NHSL1: variants seen among roughly 807,000 people sequenced by gnomAD.
NHSL1 encodes NHS-like protein 1.
NHSL1 carries 48 observed loss-of-function variants against 95.0 expected under a neutral mutation model. The ratio of observed to expected loss-of-function variants is 0.51; its 90% CI spans 0.40 to 0.64. The LOEUF is 0.64. Among genes scored for constraint, NHSL1 ranks in the 30% least tolerant of loss-of-function variants. The pLI is 0.00. For missense variants in NHSL1, 1,971 were observed against 2,077.7 expected, an observed-to-expected ratio of 0.95 and a Z score of 1.00; for synonymous variants, 783 against 833.9, an observed-to-expected ratio of 0.94 and a Z score of 1.05.
chr6:138,512,355 C>CA (rs1488636517), intron 1 of NHSL1: 1 of 454,506 alleles, frequency 2.2e-6, no homozygotes, highest in South Asian at 1.6e-5. Context: ...AAATAAATCC[C>CA]AGAGCATCTA....
chr6:138,662,145 GAAAA>G (rs35233641), intron 1 of NHSL1, among the ~76,000 whole-genome samples: 3 of 140,918 alleles, frequency 2.1e-5, no homozygotes, highest in South Asian at 4.4e-4. Context: ...CTTTTTTTCA[GAAAA>G]AAAAAAAAAT....
rs1775501701 is a variant in NHSL1 at position 138,429,747 on chromosome 6, G to C, written c.4049C>G (p.Pro1350Arg). The C allele has an allele frequency of 6.4e-7, 1 of 1,551,710 alleles. No individual in the cohort carries two copies. The highest frequency in any genetic ancestry group is 8.7e-7 in the Non-Finnish European group (1 of 1,147,016). ...GNDEVMTPSR[P>R]RTTEDLFAAI... ...TGCAAAAAGGTCTTCTGTGGTCCTG[G>C]GTCGACTGGGGGTCATTACCTCATC... Residue 1350 changes from proline to arginine, a missense_variant, in exon 7 of 8, where the codon CCC (proline) becomes CGC (arginine). Physicochemically the swap from Pro to Arg is moderately radical, Grantham distance 103. Around this residue, in one of 3 missense-constraint regions of NHSL1, gnomAD observed 146 missense variants for 206.3 expected, o/e 0.71. Transcript: ENST00000343505.
intron 1 of NHSL1, among the ~76,000 whole-genome samples, chr6:138,592,462 G>A (rs985003716): frequency 6.6e-6 from 1 of 152,110 alleles, no homozygotes; most frequent in Admixed American, 6.5e-5. Flanking sequence ...GGCTGGGGTG[G>A]TGGCAGGCGC....
chr6:138,452,437 T>C (rs1472025863), intron 3 of NHSL1, among the ~76,000 whole-genome samples: 2 of 151,640 alleles, frequency 1.3e-5, no homozygotes, highest in African/African-American at 4.9e-5. Context: ...GAAACACAGA[T>C]TAATTCAGTC....
At chr6:138,536,089 A>C (rs1375404908) in intron 1 of NHSL1, among the ~76,000 whole-genome samples, 1 of 152,236 alleles carries the variant, frequency 6.6e-6, no homozygotes, top group Non-Finnish European at 1.5e-5. Flanking sequence ...ATCTAGTCAA[A>C]CATAGTCCAA....
intron 7 of NHSL1, among the ~76,000 whole-genome samples, chr6:138,427,853 CTA>C (rs1775362450): frequency 6.6e-6 from 1 of 152,318 alleles, no homozygotes; most frequent in South Asian, 2.1e-4. Context: ...TGGATTTTTA[CTA>C]TGTCTGCTAA....
At chr6:138,445,647 TA>T (rs1202047172) in intron 4 of NHSL1, among the ~76,000 whole-genome samples, 2 of 152,116 alleles carry the variant, frequency 1.3e-5, no homozygotes, top group Non-Finnish European at 2.9e-5. Flanking sequence ...GGTAAGGTTT[TA>T]AAAAAAATCT....
intron 1 of NHSL1, among the ~76,000 whole-genome samples, chr6:138,647,899 C>G (rs561476397): frequency 3.0e-4 from 46 of 152,256 alleles, no homozygotes; most frequent in Admixed American, 9.2e-4. Flanking sequence ...GCACCGGTGT[C>G]TAATTTTCTT....
rs11969922 is a variant in NHSL1, at chr6:138,564,739, C to T, written c.202+6971G>A. Among the ~76,000 whole-genome samples, 765 of 151,840 alleles carry T rather than the reference C, an allele frequency of 5.0e-3. 9 individuals carry two copies. The highest frequency in any genetic ancestry group is 0.018 in the African/African-American group (726 of 41,344). On this transcript the variant is annotated intron_variant, in intron 1 of 6. Transcript: ENST00000427025. ...AGACAAGTAAACAAGTAAGCATAAG[C>T]CAGTGTATGATAAACACGATTAGAG...
intron 1 of NHSL1, among the ~76,000 whole-genome samples, chr6:138,642,035 T>C (rs936739708): frequency 6.6e-6 from 1 of 152,164 alleles, no homozygotes; most frequent in African/African-American, 2.4e-5. Context: ...TCAGGTGACA[T>C]CTCATTAAAC....
intron 3 of NHSL1, among the ~76,000 whole-genome samples, chr6:138,457,173 G>T (rs987272728): frequency 4.6e-5 from 7 of 152,132 alleles, no homozygotes; most frequent in African/African-American, 1.7e-4. Context: ...ACACTACCAT[G>T]CCTGGCTTAT....
intron 6 of NHSL1, 94 bp from the exon 7 acceptor site, chr6:138,429,937 C>T (rs893253481): frequency 1.5e-5 from 19 of 1,300,634 alleles, no homozygotes; most frequent in East Asian, 1.0e-4. Flanking sequence ...CTGCCATTCC[C>T]GACAATGTGA....
chr6:138,507,859 G>A (rs550240083), intron 1 of NHSL1, among the ~76,000 whole-genome samples: 2 of 152,246 alleles, frequency 1.3e-5, no homozygotes, highest in South Asian at 4.1e-4. Flanking sequence ...TCAATTATGG[G>A]GTTGGGGGAG....
At chr6:138,583,138 TCACCTTGGC>T (rs912437266) in intron 1 of NHSL1, among the ~76,000 whole-genome samples, 3 of 152,172 alleles carry the variant, frequency 2.0e-5, no homozygotes, top group African/African-American at 2.4e-5. Flanking sequence ...GGATGGCTGG[TCACCTTGGC>T]GGTGACCTCC....
At chr6:138,656,556 T>C (rs552002081) in intron 1 of NHSL1, among the ~76,000 whole-genome samples, 3 of 152,322 alleles carry the variant, frequency 2.0e-5, no homozygotes, top group East Asian at 1.9e-4. Flanking sequence ...GGGTGGAGGA[T>C]AGTGAAGACA....
At chr6:138,524,413 T>C (rs759840310) in intron 1 of NHSL1, among the ~76,000 whole-genome samples, 1 of 152,158 alleles carries the variant, frequency 6.6e-6, no homozygotes, top group Non-Finnish European at 1.5e-5. Flanking sequence ...TCCCCACACA[T>C]AACCATTACC....
intron 1 of NHSL1, among the ~76,000 whole-genome samples, chr6:138,569,611 A>AT (rs1203405668): frequency 4.6e-5 from 7 of 152,120 alleles, no homozygotes; most frequent in Admixed American, 2.0e-4. Context: ...ATTTCTGCAT[A>AT]TTTTTTCTTG....
intron 1 of NHSL1, among the ~76,000 whole-genome samples, chr6:138,665,225 A>G (rs762566426): frequency 2.5e-4 from 38 of 151,500 alleles, no homozygotes; most frequent in Non-Finnish European, 4.3e-4. Flanking sequence ...AGATCAACTT[A>G]GCTTTCCAAT....
At chr6:138,484,753 C>T (rs1704931003) in intron 2 of NHSL1, among the ~76,000 whole-genome samples, 2 of 152,230 alleles carry the variant, frequency 1.3e-5, no homozygotes, top group Non-Finnish European at 2.9e-5. Flanking sequence ...CAAAACAAAA[C>T]AAAACAGACA....
Sources: allele counts gnomAD v4.1 joint callset (sites outside exome capture counted in the v4.1 genomes callset), GRCh38; gene constraint gnomAD v4.1.1; regional missense constraint gnomAD v4.1.1; transcripts MANE v1.5; gene names NCBI Gene and HGNC (gene_info 2026-07-23, HGNC 2026-07-21).